DLEU7: variants seen among roughly 807,000 people sequenced by gnomAD.
The protein encoded by DLEU7 is deleted in lymphocytic leukemia 7.
Under a neutral mutation model 16.0 loss-of-function variants are expected in DLEU7, and 17 were observed. That is an observed-to-expected ratio of 1.06 (90% CI 0.73 to 1.59). The LOEUF (loss-of-function observed/expected upper bound fraction) is 1.59, where lower values mean the gene tolerates loss of function less well. Ranked by LOEUF, DLEU7 falls within the 40% of genes most tolerant of loss-of-function variation. The pLI is 0.00. For synonymous variants in DLEU7, 113 were observed against 139.8 expected (o/e 0.81, Z 1.35); for missense variants, 308 against 314.9 (o/e 0.98, Z 0.17).
intron 1 of DLEU7, among the ~76,000 whole-genome samples, chr13:50,810,896 C>A (rs142343254): frequency 0.013 from 1,998 of 152,260 alleles, 31 homozygotes; most frequent in East Asian, 0.037. Context: ...TTTTAATGAT[C>A]TTGACCCCAG....
At chr13:50,806,641 A>G (rs758171982) in intron 1 of DLEU7, among the ~76,000 whole-genome samples, 11 of 152,138 alleles carry the variant, frequency 7.2e-5, no homozygotes, top group African/African-American at 1.4e-4. Context: ...AAAAAATAGG[A>G]GCAATCTCAA....
intron 1 of DLEU7, among the ~76,000 whole-genome samples, chr13:50,781,418 C>T (rs1416468854): frequency 6.6e-6 from 1 of 152,196 alleles, no homozygotes; most frequent in Non-Finnish European, 1.5e-5. Flanking sequence ...AAAGCAAATA[C>T]CATCTTAGTA....
chr13:50,735,955 C>T (rs140429473), intron 1 of DLEU7, among the ~76,000 whole-genome samples: 3 of 152,134 alleles, frequency 2.0e-5, no homozygotes, highest in East Asian at 3.9e-4. Context: ...GGCTATTCCT[C>T]GAATAGCTAA....
chr13:50,724,146 AC>A (rs1397808173), intron 1 of DLEU7, among the ~76,000 whole-genome samples: 1 of 152,158 alleles, frequency 6.6e-6, no homozygotes, highest in African/African-American at 2.4e-5. Flanking sequence ...ATAGCCCATC[AC>A]TAATTGAAGA....
chr13:50,795,943 C>T (rs867528961), intron 1 of DLEU7, among the ~76,000 whole-genome samples: 23 of 152,146 alleles, frequency 1.5e-4, no homozygotes, highest in Non-Finnish European at 4.4e-5. Context: ...CATCAGTAGA[C>T]ACTTTTGGCC....
intron 1 of DLEU7, among the ~76,000 whole-genome samples, chr13:50,767,381 G>A (rs1358762456): frequency 2.0e-5 from 3 of 150,642 alleles, no homozygotes; most frequent in East Asian, 3.9e-4. Context: ...GCGTGAACCC[G>A]GGAGGCGGAG....
At chr13:50,797,314 C>T (rs191492208) in intron 1 of DLEU7, among the ~76,000 whole-genome samples, 11 of 152,160 alleles carry the variant, frequency 7.2e-5, no homozygotes, top group Middle Eastern at 6.8e-3. Flanking sequence ...TGAGGGAGTA[C>T]GACATAAGGG....
intron 1 of DLEU7, among the ~76,000 whole-genome samples, chr13:50,720,383 T>C (rs1299446734): frequency 6.6e-6 from 1 of 152,200 alleles, no homozygotes; most frequent in Non-Finnish European, 1.5e-5. Flanking sequence ...AATGACCAGA[T>C]CAGGGCAAGA....
chr13:50,784,005 C>T (rs547430601), intron 1 of DLEU7, among the ~76,000 whole-genome samples: 7 of 152,348 alleles, frequency 4.6e-5, no homozygotes, highest in East Asian at 1.9e-4. Context: ...CTTGCAAAGC[C>T]GTAAGCTCTA....
At chr13:50,798,105 A>G (rs1214597996) in intron 1 of DLEU7, among the ~76,000 whole-genome samples, 5 of 152,200 alleles carry the variant, frequency 3.3e-5, no homozygotes, top group Non-Finnish European at 4.4e-5. Flanking sequence ...GTCATTCTGC[A>G]GGTGGTATGC....
chr13:50,713,070 G>T, exon 2 of DLEU7: 2 of 820,142 alleles, frequency 2.4e-6, no homozygotes, highest in South Asian at 3.2e-5. Flanking sequence ...TGCAATTGGA[G>T]ACCAATACGA....
downstream of DLEU7, chr13:50,822,664 T>C (rs1876949960): frequency 1.0e-6 from 1 of 985,304 alleles, no homozygotes; most frequent in Admixed American, 6.1e-5. Context: ...GTGCTTTGTA[T>C]TTACATATCA....
intron 1 of DLEU7, among the ~76,000 whole-genome samples, chr13:50,824,759 T>C (rs886851855): frequency 6.6e-6 from 1 of 152,130 alleles, no homozygotes; most frequent in Non-Finnish European, 1.5e-5. Context: ...CATGAACACA[T>C]AGCAAAAACA....
chr13:50,840,555 T>A (rs991799213), intron 1 of DLEU7, among the ~76,000 whole-genome samples: 3 of 152,202 alleles, frequency 2.0e-5, no homozygotes, highest in African/African-American at 7.2e-5. Context: ...CTCCAGTAGT[T>A]GTATACTTCT....
chr13:50,792,806 C>A (rs1042605374), intron 1 of DLEU7, among the ~76,000 whole-genome samples: 11 of 151,984 alleles, frequency 7.2e-5, no homozygotes, highest in African/African-American at 2.4e-4. Flanking sequence ...TACTTACTCT[C>A]TTCACATAGA....
intron 1 of DLEU7, among the ~76,000 whole-genome samples, chr13:50,737,060 T>G (rs1403246852): frequency 1.3e-5 from 2 of 152,000 alleles, no homozygotes; most frequent in African/African-American, 4.8e-5. Context: ...GTTTGTGGGG[T>G]GGGGGAACTC....
At chr13:50,740,322 T>C (rs907409452) in intron 1 of DLEU7, among the ~76,000 whole-genome samples, 2 of 152,132 alleles carry the variant, frequency 1.3e-5, no homozygotes, top group Non-Finnish European at 2.9e-5. Flanking sequence ...AATAAGAAAA[T>C]CAAGTCAATT....
rs558407787 is a variant in DLEU7, at chr13:50,713,211, C to A, written c.*6G>T. On this transcript the variant is annotated 3_prime_UTR_variant, in exon 2 of 2. Coordinates refer to the DLEU7 transcript ENST00000400393. ...GATGGTCCTCACACTCCTACAGTGA[C>A]CTTCTTCACTCATTAGCCAGGAGTT... 1.9e-6 allele frequency: 3 copies of A among 1,610,974 alleles called. No individual in the cohort carries two copies. In the African/African-American group the frequency reaches 4.0e-5, roughly 21 times the overall value.
intron 1 of DLEU7, among the ~76,000 whole-genome samples, chr13:50,747,808 A>C (rs1874444911): frequency 6.6e-6 from 1 of 152,208 alleles, no homozygotes; most frequent in South Asian, 2.1e-4. Flanking sequence ...GCTAACAAAC[A>C]ACCAATTGCC....
Sources: gnomAD v4.1 joint callset for allele counts (sites outside exome capture counted in the v4.1 genomes callset) on GRCh38, gnomAD v4.1.1 for gene constraint, MANE v1.5 for transcripts, NCBI Gene and HGNC (gene_info 2026-07-23, HGNC 2026-07-21) for gene names.